Variants in PLXNA4 observed in about 807,000 individuals in gnomAD.
PLXNA4 encodes the protein plexin-A4.
In PLXNA4, 44 loss-of-function variants were observed where a neutral mutation model predicts 191.8. The observed-to-expected ratio is 0.23, with a 90% CI of 0.18 to 0.29. The LOEUF (loss-of-function observed/expected upper bound fraction) is 0.29, where lower values mean the gene tolerates loss of function less well. PLXNA4 is among the 10% of genes least tolerant of loss of function. The pLI is 1.00. For missense variants in PLXNA4, 1,800 were observed against 2,488.8 expected, an observed-to-expected ratio of 0.72 and a Z score of 5.89; for synonymous variants, 1,082 against 1,009.5, an observed-to-expected ratio of 1.07 and a Z score of -1.36.
chr7:132,228,461 C>T lies in PLXNA4; in HGVS notation c.1613G>A (p.Arg538Gln), dbSNP rs371929100. 5.9e-5 allele frequency: 95 copies of T among 1,614,128 alleles called. No homozygotes were observed. The highest frequency in any genetic ancestry group is 6.8e-5 in the Non-Finnish European group (80 of 1,180,020). ...GWCVLHNTCT[R>Q]KERCERSKEP... Reference sequence around the variant, plus strand: ...CTTGGACCGCTCACACCGCTCCTTCCGGGTGCAACTGGGAAGGACATACCC... The same window carrying T: ...CTTGGACCGCTCACACCGCTCCTTCTGGGTGCAACTGGGAAGGACATACCC... Residue 538 changes from arginine (R) to glutamine (Q), a missense_variant, in exon 6 of 32, where the codon CGG becomes CAG. Arg to Gln is a conservative substitution (Grantham distance 43). This residue lies in a region of PLXNA4 where 1,397 missense variants were observed against 1,880.4 expected (regional missense o/e 0.74). Transcript: ENST00000321063.
At chr7:132,146,721 C>T (rs190597992) in intron 27 of PLXNA4, 21 bp from the exon 28 acceptor site, 2 of 1,612,796 alleles carry the variant, frequency 1.2e-6, no homozygotes, top group African/African-American at 1.3e-5. Context: ...AAGGATCACC[C>T]CCCGACATAT....
chr7:132,320,772 TC>T (rs1802129569), intron 3 of PLXNA4, among the ~76,000 whole-genome samples: 1 of 152,108 alleles, frequency 6.6e-6, no homozygotes. Context: ...ACCAGCAGCA[TC>T]CGGGAACTTG....
chr7:132,166,663 G>C (rs1796132864), intron 22 of PLXNA4, among the ~76,000 whole-genome samples: 1 of 151,932 alleles, frequency 6.6e-6, no homozygotes, highest in Non-Finnish European at 1.5e-5. Flanking sequence ...AGAAGAAAAG[G>C]AAAGGAGGGC....
At chr7:132,361,607 T>C (rs1202760133) in intron 3 of PLXNA4, among the ~76,000 whole-genome samples, 1 of 152,026 alleles carries the variant, frequency 6.6e-6, no homozygotes, top group Non-Finnish European at 1.5e-5. Flanking sequence ...AAATAAAAAA[T>C]GTGGAGAGTG....
intron 16 of PLXNA4, among the ~76,000 whole-genome samples, chr7:132,183,512 T>C (rs530020321): frequency 6.6e-6 from 1 of 152,172 alleles, no homozygotes; most frequent in Non-Finnish European, 1.5e-5. Flanking sequence ...AGTGGGAGCA[T>C]GATGCAGGAA....
intron 3 of PLXNA4, among the ~76,000 whole-genome samples, chr7:132,300,688 C>T (rs916944705): frequency 2.0e-5 from 3 of 152,212 alleles, no homozygotes; most frequent in Admixed American, 6.5e-5. Flanking sequence ...CAAGTCTGAC[C>T]GTGCAATGAT....
At chr7:132,208,392 G>A (rs1452623690) in intron 10 of PLXNA4, among the ~76,000 whole-genome samples, 3 of 152,222 alleles carry the variant, frequency 2.0e-5, no homozygotes, top group Non-Finnish European at 4.4e-5. Context: ...AGTCATGGAG[G>A]CAAAGTCAGC....
intron 3 of PLXNA4, among the ~76,000 whole-genome samples, chr7:132,376,727 C>T (rs1249504965): frequency 1.3e-5 from 2 of 152,152 alleles, no homozygotes; most frequent in Admixed American, 6.5e-5. Flanking sequence ...TCCAGCAGGC[C>T]CTGATGGTGG....
chr7:132,393,194 C>T (rs1241528309), intron 3 of PLXNA4, among the ~76,000 whole-genome samples: 2 of 136,194 alleles, frequency 1.5e-5, no homozygotes, highest in Admixed American at 1.5e-4. Context: ...CCCAACACCC[C>T]CCCCCACCAC....
chr7:132,183,711 G>A (rs1796786425), intron 16 of PLXNA4, among the ~76,000 whole-genome samples: 1 of 152,208 alleles, frequency 6.6e-6, no homozygotes, highest in African/African-American at 2.4e-5. Context: ...TCCCCTCTCT[G>A]TGCCTTCTGG....
chr7:132,283,297 G>C (rs943445160), intron 4 of PLXNA4, among the ~76,000 whole-genome samples: 3 of 152,042 alleles, frequency 2.0e-5, no homozygotes, highest in Non-Finnish European at 2.9e-5. Context: ...TATGTAACTG[G>C]CAGCAGTAGG....
At chr7:132,453,485 A>T (rs1231880118) in intron 3 of PLXNA4, among the ~76,000 whole-genome samples, 1 of 152,042 alleles carries the variant, frequency 6.6e-6, no homozygotes, top group African/African-American at 2.4e-5. Flanking sequence ...TTCAGGTCTG[A>T]GAACAGTCCC....
chr7:132,269,071 G>A (rs774529294), intron 4 of PLXNA4, among the ~76,000 whole-genome samples: 3 of 152,064 alleles, frequency 2.0e-5, no homozygotes, highest in African/African-American at 4.8e-5. Flanking sequence ...CTGGACACAT[G>A]CGTCCTCCCC....
Position 132,162,789 on chromosome 7 carries a change from A to G in PLXNA4, c.4500+1353T>C, listed in dbSNP as rs1795989336. Among the ~76,000 whole-genome samples, 2 of 152,188 alleles carry G rather than the reference A, an allele frequency of 1.3e-5. 1 individual carries two copies. On this transcript the variant is annotated intron_variant, in intron 24 of 31. Transcript: ENST00000321063. ...TCCCCACAAATCTGTTCAGACGTCT[A>G]CTGGGATTCCCGGGGCTTTTGGAAA...
rs79767386 is a variant in PLXNA4, at chr7:132,471,992, A to G, written c.1371+17300T>C. Among the ~76,000 whole-genome samples, 3,810 of 152,288 alleles carry G rather than the reference A, an allele frequency of 0.025. 267 individuals carry two copies. In the East Asian group the frequency reaches 0.29, roughly 12 times the overall value. On this transcript the variant is annotated intron_variant, in intron 3 of 31. Coordinates refer to ENST00000321063, the MANE Select transcript of PLXNA4 (RefSeq NM_020911.2). ...GCACCTCATAAACTTGTTTGATCAAACAAACAAAAGCCAAAACACTTTTCT... is the reference window on the plus strand; with the variant it reads ...GCACCTCATAAACTTGTTTGATCAAGCAAACAAAAGCCAAAACACTTTTCT...
intron 5 of PLXNA4, among the ~76,000 whole-genome samples, chr7:132,236,402 G>C (rs1798702465): frequency 6.6e-6 from 1 of 152,158 alleles, no homozygotes; most frequent in Non-Finnish European, 1.5e-5. Context: ...AAAAGTGACT[G>C]AGAAAATGGA....
At chr7:132,574,118 C>G (rs2116781906) in intron 1 of PLXNA4, among the ~76,000 whole-genome samples, 1 of 152,330 alleles carries the variant, frequency 6.6e-6, no homozygotes, top group Non-Finnish European at 1.5e-5. Context: ...CAGAGATTTT[C>G]TGAACCCAGA....
chr7:132,413,168 G>A (rs978478279), intron 3 of PLXNA4, among the ~76,000 whole-genome samples: 1 of 152,108 alleles, frequency 6.6e-6, no homozygotes, highest in Non-Finnish European at 1.5e-5. Flanking sequence ...ACTGAGGCCT[G>A]GGCAAGTCCA....
At chr7:132,340,138 T>C (rs1224320125) in intron 3 of PLXNA4, among the ~76,000 whole-genome samples, 1 of 152,214 alleles carries the variant, frequency 6.6e-6, no homozygotes, top group African/African-American at 2.4e-5. Context: ...AGGGAGTCTG[T>C]GGCAGTTGAG....
Sources: allele counts gnomAD v4.1 joint callset (sites outside exome capture counted in the v4.1 genomes callset), GRCh38; gene constraint gnomAD v4.1.1; regional missense constraint gnomAD v4.1.1; transcripts MANE v1.5; gene names NCBI Gene and HGNC (gene_info 2026-07-23, HGNC 2026-07-21).